CARNMT1: variants seen among roughly 807,000 people sequenced by gnomAD.
CARNMT1 encodes the protein protein-L-histidine N-pros-methyltransferase CARNMT1.
A neutral mutation model predicts 49.6 loss-of-function variants in CARNMT1; 28 were observed. The observed-to-expected ratio is 0.56, with a 90% confidence interval of 0.42 to 0.77. CARNMT1 has a LOEUF of 0.77. Among genes scored for constraint, CARNMT1 ranks in the 30% least tolerant of loss-of-function variants. The pLI is 0.00. For synonymous variants in CARNMT1, 178 were observed against 175.0 expected, an observed-to-expected ratio of 1.02 and a Z score of -0.13; for missense variants, 421 against 512.6, an observed-to-expected ratio of 0.82 and a Z score of 1.73.
chr9:74,995,426 T>C (rs1833158081), intron 6 of CARNMT1, among the ~76,000 whole-genome samples: 1 of 152,146 alleles, frequency 6.6e-6, no homozygotes, highest in Admixed American at 6.6e-5. Context: ...TATCTTTCCA[T>C]TTTTCCTTGG....
At chr9:75,027,394 A>G (rs1822562702) in intron 1 of CARNMT1, 2 of 984,324 alleles carry the variant, frequency 2.0e-6, no homozygotes, top group South Asian at 4.7e-5. Flanking sequence ...TAATTAGCAA[A>G]TTTTAGAATA....
chr9:74,986,345 A>T (rs1832837854), intron 6 of CARNMT1, among the ~76,000 whole-genome samples: 1 of 152,240 alleles, frequency 6.6e-6, no homozygotes, highest in Non-Finnish European at 1.5e-5. Flanking sequence ...AACGACTAGA[A>T]AAAATGACCA....
intron 3 of CARNMT1, among the ~76,000 whole-genome samples, chr9:75,010,941 T>C (rs1267306352): frequency 2.0e-5 from 3 of 152,138 alleles, no homozygotes; most frequent in African/African-American, 7.2e-5. Flanking sequence ...CCCTGAATTA[T>C]TTAAAATGAT....
Position 74,981,360 on chromosome 9 carries a change from T to C in CARNMT1, c.*2407A>G, listed in dbSNP as rs1341145042. On this transcript the variant is annotated 3_prime_UTR_variant, in exon 8 of 8. Coordinates refer to ENST00000376834, the MANE Select transcript of CARNMT1 (RefSeq NM_152420.3). ...ATTTCATAAAGTAAATGAAAATGTT[T>C]GTGTATAAAGCTAATTTAAGAAAAA... The C allele has an allele frequency of 5.9e-5, 9 of 152,156 alleles. No homozygotes were observed. Among genetic ancestry groups the C allele is most frequent in the Admixed American group, 5.9e-4 (9 of 15,276 alleles). The allele number at this position is 152,156 out of a possible 1,614,324, so 9.4% of individuals were successfully genotyped here.
intron 4 of CARNMT1, 104 bp downstream of exon 4, chr9:74,999,626 C>A (rs913940008): frequency 7.9e-5 from 73 of 929,306 alleles, no homozygotes; most frequent in South Asian, 7.8e-4. Flanking sequence ...ATATAATAAT[C>A]AAATGCTATG....
chr9:75,028,035 G>C lies in CARNMT1; in HGVS notation c.207C>G (p.Ile69Met), dbSNP rs1269835124. The C allele has an allele frequency of 5.1e-6, 8 of 1,575,344 alleles. No individual in the cohort carries two copies. Among genetic ancestry groups the C allele is most frequent in the Non-Finnish European group, 6.9e-6 (8 of 1,163,404 alleles). The change falls in exon 1 of 8, where the codon ATC (isoleucine) becomes ATG (methionine). Residue 69 changes from isoleucine (I) to methionine (M), a missense_variant. Around this residue, in one of 2 missense-constraint regions of CARNMT1, gnomAD observed 186 missense variants for 167.9 expected, o/e 1.11. Coordinates refer to ENST00000376834, the MANE Select transcript of CARNMT1 (RefSeq NM_152420.3). ...ERLEREHFWK[I>M]INAFRYYGTS... is the part of the protein sequence containing the mutation. ...ACCCGTAGTAGCGGAAGGCATTAAT[G>C]ATCTTCCAGAAGTGCTCACGCTCAA...
At chr9:75,027,979 G>A in intron 1 of CARNMT1, 33 bp downstream of exon 1, 1 of 1,533,692 alleles carries the variant, frequency 6.5e-7, no homozygotes, top group Non-Finnish European at 8.7e-7. Flanking sequence ...GCGCCCCGAC[G>A]GTCTGGGCCG....
At chr9:75,024,326 G>A (rs1822463462) in intron 1 of CARNMT1, among the ~76,000 whole-genome samples, 2 of 152,104 alleles carry the variant, frequency 1.3e-5, no homozygotes, top group Admixed American at 6.5e-5. Context: ...TGGATTTTAG[G>A]TCAGATTCTA....
At chr9:74,995,173 T>G (rs937848736) in intron 6 of CARNMT1, among the ~76,000 whole-genome samples, 1 of 152,146 alleles carries the variant, frequency 6.6e-6, no homozygotes, top group Admixed American at 6.5e-5. Flanking sequence ...AAACACAGGG[T>G]CATGTTAATG....
At chr9:75,015,365 T>C (rs1166764530) in intron 3 of CARNMT1, among the ~76,000 whole-genome samples, 2 of 152,212 alleles carry the variant, frequency 1.3e-5, no homozygotes, top group African/African-American at 2.4e-5. Flanking sequence ...TGCAGCTAAA[T>C]TGTATTTAAA....
Position 75,022,213 on chromosome 9 carries a change from CTTTT to C in CARNMT1, c.231-4769_231-4766del, listed in dbSNP as rs35783706. Among the ~76,000 whole-genome samples the C allele has an allele frequency of 3.2e-4, 25 of 77,006 alleles. 1 individual carries two copies. The highest frequency in any genetic ancestry group is 2.2e-3 in the Admixed American group (15 of 6,718). 50.5% of individuals were successfully genotyped at this position (77,006 alleles called of 152,430 possible). A position where few individuals can be genotyped will look rare whatever the true frequency, so the allele number is the denominator to read the frequency against. On this transcript the variant is annotated intron_variant, in intron 1 of 7. Transcript: ENST00000376834. ...CAGAATTACCAGGTGAGAAGGAATACTTTTTTTTTTTTTTTTTTTTTTTTTTTGG... is the reference window on the plus strand; with the variant it reads ...CAGAATTACCAGGTGAGAAGGAATACTTTTTTTTTTTTTTTTTTTTTTTGG...
chr9:75,028,345 C>A, upstream of CARNMT1: 5 of 1,305,730 alleles, frequency 3.8e-6, no homozygotes, highest in South Asian at 2.3e-5. Flanking sequence ...GCGGACATGC[C>A]CCCAGCTCGC....
intron 6 of CARNMT1, among the ~76,000 whole-genome samples, chr9:74,985,972 T>A (rs1373899507): frequency 2.6e-5 from 4 of 152,160 alleles, no homozygotes; most frequent in Admixed American, 1.3e-4. Context: ...TTATATGACA[T>A]CCTCCCTTTA....
chr9:74,988,029 T>C (rs1040672649), intron 6 of CARNMT1, among the ~76,000 whole-genome samples: 5 of 152,274 alleles, frequency 3.3e-5, no homozygotes, highest in Middle Eastern at 6.8e-3. Context: ...AAGGGTTCTT[T>C]ATTTTCTCAA....
At chr9:74,994,045 C>G (rs1436421146) in intron 6 of CARNMT1, among the ~76,000 whole-genome samples, 2 of 152,094 alleles carry the variant, frequency 1.3e-5, no homozygotes, top group Admixed American at 1.3e-4. Context: ...TAAATGAGGT[C>G]GTAAGGGTGG....
intron 6 of CARNMT1, among the ~76,000 whole-genome samples, chr9:74,989,298 A>C (rs1313759285): frequency 1.3e-5 from 2 of 151,898 alleles, no homozygotes; most frequent in Non-Finnish European, 2.9e-5. Flanking sequence ...TTTTTTTTAG[A>C]GATGAAGGGT....
chr9:75,003,509 C>T (rs1204993936), intron 3 of CARNMT1, among the ~76,000 whole-genome samples: 2 of 152,224 alleles, frequency 1.3e-5, no homozygotes, highest in Non-Finnish European at 2.9e-5. Flanking sequence ...ACGACATTGC[C>T]GGCAAAGCCT....
intron 3 of CARNMT1, among the ~76,000 whole-genome samples, chr9:75,011,033 G>GT (rs917657431): frequency 1.3e-5 from 2 of 151,866 alleles, no homozygotes; most frequent in Non-Finnish European, 2.9e-5. Context: ...AAAAAAACAT[G>GT]TAACATGACC....
chr9:75,027,985 G>A (rs745874894), intron 1 of CARNMT1, 27 bp downstream of exon 1: 1 of 1,547,004 alleles, frequency 6.5e-7, no homozygotes, highest in Admixed American at 1.9e-5. Context: ...CGACGGTCTG[G>A]GCCGGGGTCC....
Sources: gnomAD v4.1 joint callset for allele counts (sites outside exome capture counted in the v4.1 genomes callset) on GRCh38, gnomAD v4.1.1 for gene constraint, gnomAD v4.1.1 regional missense constraint, MANE v1.5 for transcripts, NCBI Gene and HGNC (gene_info 2026-07-23, HGNC 2026-07-21) for gene names.